The following DNASE1 variants were observed in gnomAD, a reference collection of about 807,000 sequenced individuals.
DNASE1 encodes the protein deoxyribonuclease-1.
DNASE1 carries 40 observed loss-of-function variants against 33.9 expected under a neutral mutation model. The ratio of observed to expected loss-of-function variants is 1.18; its 90% CI spans 0.92 to 1.54. The LOEUF (loss-of-function observed/expected upper bound fraction) is 1.54. DNASE1 is among the 40% of genes most tolerant of loss of function. DNASE1 has a pLI of 0.00. For missense variants in DNASE1, 518 were observed against 372.6 expected, an observed-to-expected ratio of 1.39 and a Z score of -3.21; for synonymous variants, 216 against 160.0, an observed-to-expected ratio of 1.35 and a Z score of -2.64.
At position 3,657,807 on chromosome 16, in the gene DNASE1, T is replaced by C; in HGVS notation, c.792T>C (p.Ser264=). Residue 264 remains serine, a synonymous_variant, in exon 8 of 9, where the codon AGT becomes AGC. Transcript: ENST00000246949. ...ACTTCCAGGCTGCCTATGGCCTGAG[T>C]GACCAACTGGTATGTGTCCTCCCTT... ...PFNFQAAYGL[S]DQLAQAISDH... 6.2e-7 allele frequency: 1 copy of C among 1,613,976 alleles called. No homozygotes were observed.
At chr16:3,645,352 C>T (rs367716777) in intron 1 of DNASE1, among the ~76,000 whole-genome samples, 22 of 152,150 alleles carry the variant, frequency 1.4e-4, no homozygotes, top group East Asian at 5.8e-4. Flanking sequence ...CTTTTCATTG[C>T]GACCCTTGTT....
downstream of DNASE1, chr16:3,659,125 C>G (rs1054102435): frequency 2.5e-6 from 1 of 400,552 alleles, no homozygotes; most frequent in Non-Finnish European, 4.5e-6. Context: ...ACAAAAGGAG[C>G]TTAGTACGTG....
At chr16:3,658,653 C>T, downstream of DNASE1, 3 of 829,500 alleles carry the variant, frequency 3.6e-6, no homozygotes, top group South Asian at 1.8e-5. Flanking sequence ...AGCCTGGCAA[C>T]AGAGCAACAC....
At chr16:3,664,410 C>G (rs372562851) in exon 10 of DNASE1, 1 of 1,612,230 alleles carries the variant, frequency 6.2e-7, no homozygotes, top group Non-Finnish European at 8.5e-7. Context: ...GGTTAGCTGC[C>G]CGGAGGGCAG....
chr16:3,658,948 T>TTTAAAGAAGC (rs1190282918), downstream of DNASE1: 2 of 1,410,766 alleles, frequency 1.4e-6, no homozygotes, highest in Non-Finnish European at 1.0e-6. Context: ...TATCAGGATA[T>TTTAAAGAAGC]TTAAAGAAGC....
chr16:3,619,917 C>CT (rs1180233396), intron 1 of DNASE1, among the ~76,000 whole-genome samples: 5,735 of 136,790 alleles, frequency 0.042, 131 homozygotes, highest in Admixed American at 0.054. Flanking sequence ...TATGGCTTTT[C>CT]TTTTTTTTTT....
chr16:3,634,259 C>T lies in DNASE1; in HGVS notation c.-1358-6456C>T, dbSNP rs144890139. Among the ~76,000 whole-genome samples the T allele has an allele frequency of 3.6e-3, 550 of 151,840 alleles. 3 individuals are homozygous for T. Among genetic ancestry groups the T allele is most frequent in the African/African-American group, 0.012 (511 of 41,402 alleles). The stretch of plus-strand genomic sequence containing the variant: ...TTGTTTGTTTTTTGAGACAGAGTTT[C>T]GCTCTGTCACCCAGGCTGGAGTGCA... On this transcript the variant is annotated intron_variant and NMD_transcript_variant, in intron 1 of 11. Coordinates refer to the DNASE1 transcript ENST00000570769.
upstream of DNASE1, among the ~76,000 whole-genome samples, chr16:3,642,374 A>G (rs949993779): frequency 2.6e-5 from 4 of 152,208 alleles, no homozygotes; most frequent in African/African-American, 9.6e-5. Flanking sequence ...TGGAGGCTGA[A>G]GAGTCCAAAT....
Position 3,657,017 on chromosome 16 carries a change from T to C in DNASE1, c.455T>C (p.Ile152Thr), listed in dbSNP as rs777609844. The change falls in exon 6 of 9, where the codon ATT becomes ACT. Residue 152 changes from isoleucine to threonine, a missense_variant. Transcript: ENST00000246949. ...TCCACAGAGGTCAGGGAGTTTGCCA[T>C]TGTTCCCCTGCATGCGGCCCCGGGG... ...SRFTEVREFA[I>T]VPLHAAPGDA... 2 of 1,613,778 alleles carry C rather than the reference T, an allele frequency of 1.2e-6. No individual in the cohort carries two copies. Among genetic ancestry groups the C allele is most frequent in the Non-Finnish European group, 1.7e-6 (2 of 1,179,970 alleles).
chr16:3,653,143 C>G (rs146695354), upstream of DNASE1: 1 of 152,260 alleles, frequency 6.6e-6, no homozygotes, highest in East Asian at 1.9e-4. Context: ...TGCAGGTGCA[C>G]AGATCTTAAG....
intron 1 of DNASE1, among the ~76,000 whole-genome samples, chr16:3,647,932 C>A (rs1194821160): frequency 6.6e-6 from 1 of 152,166 alleles, no homozygotes; most frequent in Non-Finnish European, 1.5e-5. Flanking sequence ...CTTTGGAAGG[C>A]TGAGGCGGGC....
chr16:3,640,572 G>C (rs2042001865), upstream of DNASE1: 1 of 396,762 alleles, frequency 2.5e-6, no homozygotes, highest in Non-Finnish European at 4.4e-6. Flanking sequence ...CAGGTGTTCA[G>C]GGTTCCCTGT....
At position 3,656,092 on chromosome 16, in the gene DNASE1, T is replaced by G; in HGVS notation, c.237-10T>G. On this transcript the variant is annotated splice_polypyrimidine_tract_variant and intron_variant, in intron 3 of 8. Coordinates refer to ENST00000246949, the MANE Select transcript of DNASE1 (RefSeq NM_005223.4). ...CCCCGCCACTGGGACCTTTTGTTTCTTCAATCCAGGGATGCACCAGACACC... is the reference window on the plus strand; with the variant it reads ...CCCCGCCACTGGGACCTTTTGTTTCGTCAATCCAGGGATGCACCAGACACC... 6.2e-7 allele frequency: 1 copy of G among 1,614,068 alleles called. No individual in the cohort carries two copies. The highest frequency in any genetic ancestry group is 1.1e-5 in the South Asian group (1 of 91,086).
At chr16:3,616,284 C>T (rs1048704475) in intron 1 of DNASE1, among the ~76,000 whole-genome samples, 9 of 152,144 alleles carry the variant, frequency 5.9e-5, no homozygotes, top group African/African-American at 1.4e-4. Flanking sequence ...ATCCCAACAA[C>T]GTTTTAATTT....
At chr16:3,654,526 G>GA (rs1191352624), upstream of DNASE1, 1 of 398,572 alleles carries the variant, frequency 2.5e-6, no homozygotes, top group Non-Finnish European at 4.4e-6. Context: ...CCCCAGACAA[G>GA]AGACAGGGAG....
At chr16:3,615,788 T>C (rs1567183196) in intron 1 of DNASE1, among the ~76,000 whole-genome samples, 1 of 152,242 alleles carries the variant, frequency 6.6e-6, no homozygotes, top group Non-Finnish European at 1.5e-5. Context: ...GATCACGTCC[T>C]TACCCTCCTG....
chr16:3,642,255 C>CT (rs1416096637), upstream of DNASE1, among the ~76,000 whole-genome samples: 12 of 152,228 alleles, frequency 7.9e-5, no homozygotes, highest in Non-Finnish European at 1.6e-4. Context: ...GAGCACTGCT[C>CT]TGACAGATGC....
downstream of DNASE1, chr16:3,658,701 G>T: frequency 8.3e-7 from 1 of 1,204,646 alleles, no homozygotes; most frequent in Non-Finnish European, 1.2e-6. Flanking sequence ...AAAAAGACAG[G>T]ATTTTAGAGG....
chr16:3,637,449 C>G (rs904374596), intron 1 of DNASE1, among the ~76,000 whole-genome samples: 2 of 152,140 alleles, frequency 1.3e-5, no homozygotes, highest in Non-Finnish European at 2.9e-5. Context: ...TGGCCTGTGA[C>G]TTTTACCAGC....
Sources: allele counts gnomAD v4.1 joint callset (sites outside exome capture counted in the v4.1 genomes callset), GRCh38; gene constraint gnomAD v4.1.1; transcripts MANE v1.5; gene names NCBI Gene and HGNC (gene_info 2026-07-23, HGNC 2026-07-21).